Variants in FRAS1 observed in about 807,000 individuals in gnomAD.
FRAS1 encodes extracellular matrix organizing protein FRAS1.
A neutral mutation model predicts 435.2 loss-of-function variants in FRAS1; 290 were observed. The ratio of observed to expected loss-of-function variants is 0.67; its 90% CI spans 0.61 to 0.73. The LOEUF (loss-of-function observed/expected upper bound fraction) is 0.73, where lower values mean the gene tolerates loss of function less well. Among genes scored for constraint, FRAS1 ranks in the 30% least tolerant of loss-of-function variants. The pLI, the probability that FRAS1 is intolerant of heterozygous loss-of-function variation, is 0.00. For synonymous variants in FRAS1, 1,800 were observed against 1,851.0 expected (o/e 0.97, Z 0.71); for missense variants, 4,860 against 5,001.5 (o/e 0.97, Z 0.85).
chr4:78,086,901 G>A (rs1041334837), intron 2 of FRAS1, among the ~76,000 whole-genome samples: 9 of 152,106 alleles, frequency 5.9e-5, no homozygotes, highest in African/African-American at 9.6e-5. Flanking sequence ...GAAAAAGAGG[G>A]AATCCTCCCT....
chr4:78,379,591 ACT>A, intron 26 of FRAS1, 133 bp from the exon 27 acceptor site: 1 of 841,306 alleles, frequency 1.2e-6, no homozygotes, highest in Non-Finnish European at 1.9e-6. Flanking sequence ...AGTGAAATCA[ACT>A]CTGTTTCTTA....
chr4:78,499,664 T>C, intron 60 of FRAS1, 57 bp from the exon 61 acceptor site: 1 of 1,488,634 alleles, frequency 6.7e-7, no homozygotes, highest in Non-Finnish European at 9.2e-7. Flanking sequence ...TTCCTGGGAG[T>C]CTGAATCCTT....
At chr4:78,448,795 A>G (rs555351528) in intron 44 of FRAS1, among the ~76,000 whole-genome samples, 1 of 152,332 alleles carries the variant, frequency 6.6e-6, no homozygotes, top group South Asian at 2.1e-4. Flanking sequence ...CAGATATGGT[A>G]TTCTAGGGTT....
intron 58 of FRAS1, among the ~76,000 whole-genome samples, chr4:78,488,501 G>A (rs1216038640): frequency 6.6e-6 from 1 of 152,176 alleles, no homozygotes. Flanking sequence ...GGACAGTGAA[G>A]TCTTTTGAGT....
At chr4:78,175,538 G>A (rs2110042896) in intron 2 of FRAS1, among the ~76,000 whole-genome samples, 1 of 152,314 alleles carries the variant, frequency 6.6e-6, no homozygotes, top group East Asian at 1.9e-4. Flanking sequence ...CTTTTCAGAG[G>A]TGAGGGCAGG....
chr4:78,126,068 A>G (rs1719335635), intron 2 of FRAS1, among the ~76,000 whole-genome samples: 1 of 152,126 alleles, frequency 6.6e-6, no homozygotes, highest in Non-Finnish European at 1.5e-5. Flanking sequence ...CTTTGTTTAC[A>G]CTGTGAGCAT....
chr4:78,074,968 C>T (rs1387925419), intron 2 of FRAS1, among the ~76,000 whole-genome samples: 1 of 152,146 alleles, frequency 6.6e-6, no homozygotes, highest in African/African-American at 2.4e-5. Context: ...GCTGAGGCAG[C>T]TTTCCCATGC....
chr4:78,339,559 C>T (rs1368150928), intron 20 of FRAS1, among the ~76,000 whole-genome samples: 1 of 152,134 alleles, frequency 6.6e-6, no homozygotes, highest in Admixed American at 6.5e-5. Flanking sequence ...GAAGAATAAC[C>T]AGGATCCTGT....
In FRAS1 at chr4:78,464,158, C is replaced by T. The variant is rs1394045155; in HGVS notation, c.6888+13C>T. ...TGGAGTCAGTGAGGTAGGTGAGGCACTGAACTCCATCCTTGAAAAGTATTG... is the reference window on the plus strand; with the variant it reads ...TGGAGTCAGTGAGGTAGGTGAGGCATTGAACTCCATCCTTGAAAAGTATTG... On this transcript the variant is annotated intron_variant, in intron 48 of 73. Transcript: ENST00000512123. The T allele has an allele frequency of 2.5e-6, 4 of 1,601,610 alleles. No individual in the cohort carries two copies. In the African/African-American group the frequency reaches 5.4e-5, roughly 22 times the overall value.
chr4:78,380,262 C>A (rs201877324), intron 27 of FRAS1, among the ~76,000 whole-genome samples: 1 of 152,070 alleles, frequency 6.6e-6, no homozygotes, highest in African/African-American at 2.4e-5. Flanking sequence ...ATACAATTAC[C>A]CAGATTTTTG....
intron 63 of FRAS1, among the ~76,000 whole-genome samples, chr4:78,510,801 A>G (rs563752156): frequency 6.6e-6 from 1 of 152,284 alleles, no homozygotes; most frequent in African/African-American, 2.4e-5. Flanking sequence ...GTCACTGGGT[A>G]GGGAGATGGG....
At chr4:78,391,344 G>C (rs1357148323) in intron 29 of FRAS1, among the ~76,000 whole-genome samples, 1 of 152,240 alleles carries the variant, frequency 6.6e-6, no homozygotes, top group Non-Finnish European at 1.5e-5. Flanking sequence ...ATGTTCTGTT[G>C]GGGGAAGGAG....
chr4:78,472,221 C>T lies in FRAS1; in HGVS notation c.7413C>T (p.Asp2471=). 1 of 1,613,892 alleles carries T rather than the reference C, an allele frequency of 6.2e-7. No individual in the cohort carries two copies. The highest frequency in any genetic ancestry group is 8.5e-7 in the Non-Finnish European group (1 of 1,179,828). ...CCAAGAAGGAACTGCTGACCATGGACCCAGACACCGAGGACGCGCAGCTTG... is the reference window on the plus strand; with the variant it reads ...CCAAGAAGGAACTGCTGACCATGGATCCAGACACCGAGGACGCGCAGCTTG... ...LITKKELLTM[D]PDTEDAQLVY... Residue 2471 remains aspartate (D), a synonymous_variant, in exon 52 of 74, where the codon GAC becomes GAT. Coordinates refer to ENST00000512123, the MANE Select transcript of FRAS1 (RefSeq NM_025074.7).
At chr4:78,354,780 G>C (rs901537733) in intron 20 of FRAS1, among the ~76,000 whole-genome samples, 1 of 152,186 alleles carries the variant, frequency 6.6e-6, no homozygotes, top group African/African-American at 2.4e-5. Flanking sequence ...TTATTTATCA[G>C]CTAAGGAGTC....
chr4:78,505,583 CA>C lies in FRAS1; in HGVS notation c.9317-1837del, dbSNP rs550149312. ...GCCATGGTTTTCAGCTCAATCAGGT[CA>C]TTTAAAGTCTTCTCGACACTGTTTA... On this transcript the variant is annotated intron_variant, in intron 61 of 73. Coordinates refer to ENST00000512123, the MANE Select transcript of FRAS1 (RefSeq NM_025074.7). 3.2e-4 allele frequency among the ~76,000 whole-genome samples: 48 copies of C among 152,292 alleles called. No individual in the cohort carries two copies. The East Asian group carries it at 9.1e-3, about 29-fold the overall frequency.
At chr4:78,451,960 T>G (rs1719035177) in intron 46 of FRAS1, 69 bp downstream of exon 46, 2 of 1,483,420 alleles carry the variant, frequency 1.3e-6, no homozygotes, top group Non-Finnish European at 1.8e-6. Context: ...GTTTACACTT[T>G]GTTCACCTCG....
chr4:78,464,481 T>A lies in FRAS1; in HGVS notation c.6927T>A (p.Asp2309Glu), dbSNP rs745615099. Residue 2309 changes from aspartate to glutamate, a missense_variant, in exon 49 of 74, where the codon GAT (aspartate) becomes GAA (glutamate). Physicochemically the swap from Asp to Glu is conservative, Grantham distance 45. Coordinates refer to ENST00000512123, the MANE Select transcript of FRAS1 (RefSeq NM_025074.7). Reference protein sequence around the residue: ...QTFHITLHPVDDSLPVVQNLG... With the variant: ...QTFHITLHPVEDSLPVVQNLG... ...TCCATATCACTCTTCACCCTGTCGA[T>A]GATTCGCTGCCCGTCGTACAGAACT... The A allele has an allele frequency of 1.4e-5, 22 of 1,613,872 alleles. No individual in the cohort carries two copies. The highest frequency in any genetic ancestry group is 3.3e-4 in the Middle Eastern group (2 of 6,082).
chr4:78,139,041 G>A (rs1560545003), intron 2 of FRAS1, among the ~76,000 whole-genome samples: 1 of 152,164 alleles, frequency 6.6e-6, no homozygotes, highest in Non-Finnish European at 1.5e-5. Context: ...CCAGCTTACT[G>A]AGAGCTCACA....
intron 2 of FRAS1, among the ~76,000 whole-genome samples, chr4:78,100,521 A>G (rs4640694): frequency 0.062 from 9,430 of 152,306 alleles, 792 homozygotes; most frequent in African/African-American, 0.19. Context: ...TAATAATACC[A>G]ATAATTTATT....
Sources: allele counts gnomAD v4.1 joint callset (sites outside exome capture counted in the v4.1 genomes callset), GRCh38; gene constraint gnomAD v4.1.1; transcripts MANE v1.5; gene names NCBI Gene and HGNC (gene_info 2026-07-23, HGNC 2026-07-21).